Variants in SVIL observed in about 807,000 individuals in gnomAD.
SVIL encodes archvillin.
SVIL carries 101 observed loss-of-function variants against 240.4 expected under a neutral mutation model. That is an observed-to-expected ratio of 0.42 (90% CI 0.36 to 0.50). The LOEUF is 0.50. SVIL is among the 20% of genes least tolerant of loss of function. The pLI is 0.01. For missense variants in SVIL, 2,512 were observed against 2,818.7 expected (o/e 0.89, Z 2.46); for synonymous variants, 999 against 1,100.0 (o/e 0.91, Z 1.82).
chr10:29,699,821 G>A (rs553804490), intron 1 of SVIL, among the ~76,000 whole-genome samples: 6 of 152,330 alleles, frequency 3.9e-5, no homozygotes, highest in South Asian at 2.1e-4. Flanking sequence ...AGGCACCAGC[G>A]GGAGAATGTC....
At chr10:29,545,256 G>A (rs867690690) in intron 6 of SVIL, among the ~76,000 whole-genome samples, 2 of 152,160 alleles carry the variant, frequency 1.3e-5, no homozygotes, top group Non-Finnish European at 2.9e-5. Context: ...TCCTTTCTTA[G>A]TGGCTGAGGC....
chr10:29,536,885 C>T (rs918742335), intron 6 of SVIL, among the ~76,000 whole-genome samples: 24 of 127,472 alleles, frequency 1.9e-4, no homozygotes, highest in African/African-American at 5.4e-4. Context: ...CACTCCAGCC[C>T]GGGCGATAAC....
At chr10:29,504,130 G>C (rs1179446437) in intron 17 of SVIL, among the ~76,000 whole-genome samples, 1 of 152,084 alleles carries the variant, frequency 6.6e-6, no homozygotes, top group Non-Finnish European at 1.5e-5. Flanking sequence ...GCTGGAATAA[G>C]TGGACACTCA....
chr10:29,709,113 G>A (rs997149487), intron 1 of SVIL, among the ~76,000 whole-genome samples: 3 of 152,140 alleles, frequency 2.0e-5, no homozygotes, highest in African/African-American at 7.2e-5. Context: ...ATGGGGCAGG[G>A]GGAAAAGGAA....
chr10:29,612,141 G>C (rs989001693), intron 1 of SVIL, among the ~76,000 whole-genome samples: 2 of 152,110 alleles, frequency 1.3e-5, no homozygotes, highest in East Asian at 1.9e-4. Flanking sequence ...AGTCATAAGA[G>C]AATGTGCTTC....
At chr10:29,673,896 A>G (rs925991893) in intron 2 of SVIL, among the ~76,000 whole-genome samples, 1 of 152,246 alleles carries the variant, frequency 6.6e-6, no homozygotes, top group Non-Finnish European at 1.5e-5. Context: ...CAAGGAAGTT[A>G]AGAATGGCTC....
Position 29,523,006 on chromosome 10 carries a change from C to T in SVIL, c.3164-371G>A, listed in dbSNP as rs530297614. On this transcript the variant is annotated intron_variant, in intron 15 of 37. Coordinates refer to ENST00000355867, the MANE Select transcript of SVIL (RefSeq NM_021738.3). Reference sequence around the variant, plus strand: ...CTTACACTGTACTGTTTCATACAAACGTAGAAAGAGGATGAAGGGCCCACG... The same window carrying T: ...CTTACACTGTACTGTTTCATACAAATGTAGAAAGAGGATGAAGGGCCCACG... 4.6e-5 allele frequency among the ~76,000 whole-genome samples: 7 copies of T among 152,308 alleles called. No homozygotes were observed. In the South Asian group the frequency reaches 1.4e-3, roughly 32 times the overall value.
intron 1 of SVIL, chr10:29,575,345 C>T (rs369484289): frequency 1.1e-4 from 24 of 216,502 alleles, no homozygotes; most frequent in African/African-American, 4.2e-4. Flanking sequence ...GAAATGATGA[C>T]GTAAAAATTA....
At chr10:29,671,374 C>G (rs889062016) in intron 2 of SVIL, among the ~76,000 whole-genome samples, 3 of 152,188 alleles carry the variant, frequency 2.0e-5, no homozygotes, top group South Asian at 2.1e-4. Context: ...TGTTTTCCCA[C>G]CACACTACAT....
intron 1 of SVIL, among the ~76,000 whole-genome samples, chr10:29,601,310 C>G (rs1956802666): frequency 6.6e-6 from 1 of 152,188 alleles, no homozygotes; most frequent in Non-Finnish European, 1.5e-5. Context: ...AGAGCTGAAA[C>G]TGAAAATTAT....
intron 1 of SVIL, among the ~76,000 whole-genome samples, chr10:29,587,843 G>GATT (rs1564675400): frequency 6.6e-6 from 1 of 151,908 alleles, no homozygotes; most frequent in African/African-American, 2.4e-5. Flanking sequence ...TCCAGAAAAT[G>GATT]ATTACACACC....
chr10:29,480,280 G>T (rs1023119137), intron 29 of SVIL, among the ~76,000 whole-genome samples: 16 of 152,206 alleles, frequency 1.1e-4, no homozygotes, highest in African/African-American at 3.9e-4. Flanking sequence ...GAGAGAGGGA[G>T]CTGAGAAGCC....
At chr10:29,652,068 A>G (rs1261889379) in intron 3 of SVIL, among the ~76,000 whole-genome samples, 4 of 152,106 alleles carry the variant, frequency 2.6e-5, no homozygotes, top group Non-Finnish European at 5.9e-5. Context: ...TTCACATACC[A>G]TACAATTCAC....
intron 23 of SVIL, 105 bp downstream of exon 23, chr10:29,488,496 C>A (rs1422805713): frequency 7.7e-7 from 1 of 1,294,786 alleles, no homozygotes; most frequent in East Asian, 2.9e-5. Flanking sequence ...AAAAAGTGTG[C>A]GTTCCTTTCC....
intron 3 of SVIL, among the ~76,000 whole-genome samples, chr10:29,646,151 T>C (rs1451847917): frequency 6.6e-6 from 1 of 152,146 alleles, no homozygotes; most frequent in African/African-American, 2.4e-5. Context: ...ATGCGTATGC[T>C]CCAGGGAAAA....
Position 29,618,315 on chromosome 10 carries a change from T to C in SVIL, c.-201+16105A>G, listed in dbSNP as rs570406375. Among the ~76,000 whole-genome samples the C allele has an allele frequency of 9.8e-5, 15 of 152,350 alleles. No individual in the cohort carries two copies. In the East Asian group the frequency reaches 1.7e-3, roughly 18 times the overall value. On this transcript the variant is annotated intron_variant, in intron 1 of 37. Coordinates refer to ENST00000355867, the MANE Select transcript of SVIL (RefSeq NM_021738.3). ...TTTGTCAAATTCAAGTTTTATTTTATGTCCATAAAGCTGTGGAAAGGAAAA... is the reference window on the plus strand; with the variant it reads ...TTTGTCAAATTCAAGTTTTATTTTACGTCCATAAAGCTGTGGAAAGGAAAA...
At chr10:29,493,627 A>G (rs1019175154) in intron 20 of SVIL, among the ~76,000 whole-genome samples, 1 of 152,138 alleles carries the variant, frequency 6.6e-6, no homozygotes, top group Non-Finnish European at 1.5e-5. Flanking sequence ...ACCATACTGC[A>G]CACACGCGCC....
At chr10:29,626,715 G>T (rs1031041945) in intron 1 of SVIL, among the ~76,000 whole-genome samples, 1 of 152,160 alleles carries the variant, frequency 6.6e-6, no homozygotes, top group African/African-American at 2.4e-5. Flanking sequence ...TTAAAGAGGT[G>T]TCAGAAACTT....
intron 16 of SVIL, among the ~76,000 whole-genome samples, chr10:29,518,972 A>G (rs1426233228): frequency 2.6e-5 from 4 of 152,234 alleles, no homozygotes; most frequent in African/African-American, 9.6e-5. Context: ...GGCCCTGGAC[A>G]GGGGAGAGAC....
Sources: allele counts gnomAD v4.1 joint callset (sites outside exome capture counted in the v4.1 genomes callset), GRCh38; gene constraint gnomAD v4.1.1; transcripts MANE v1.5; gene names NCBI Gene and HGNC (gene_info 2026-07-23, HGNC 2026-07-21).